Variants in CNTNAP2 observed in about 807,000 individuals in gnomAD.
CNTNAP2 encodes the protein contactin-associated protein-like 2.
In CNTNAP2, 98 loss-of-function variants were observed where a neutral mutation model predicts 155.2. The observed-to-expected ratio is 0.63, with a 90% CI of 0.54 to 0.75. CNTNAP2 has a LOEUF of 0.75. Ranked by LOEUF, CNTNAP2 falls within the 30% of genes least tolerant of loss-of-function variation. CNTNAP2 has a pLI of 0.00. For missense variants in CNTNAP2, 1,727 were observed against 1,688.1 expected (o/e 1.02, Z -0.40); for synonymous variants, 651 against 631.2 (o/e 1.03, Z -0.47).
At chr7:147,772,093 A>G (rs1445961134) in intron 13 of CNTNAP2, among the ~76,000 whole-genome samples, 1 of 152,078 alleles carries the variant, frequency 6.6e-6, no homozygotes, top group Non-Finnish European at 1.5e-5. Flanking sequence ...GAGTAAGATA[A>G]CTAGGTCAAT....
chr7:147,974,499 C>T (rs1352957391), intron 14 of CNTNAP2, among the ~76,000 whole-genome samples: 1 of 152,076 alleles, frequency 6.6e-6, no homozygotes, highest in East Asian at 1.9e-4. Context: ...GTGGTGGGCA[C>T]CTGTAATCCC....
At chr7:147,602,312 T>C (rs1047999648) in intron 12 of CNTNAP2, among the ~76,000 whole-genome samples, 2 of 151,974 alleles carry the variant, frequency 1.3e-5, no homozygotes. Context: ...CCAAAGGCAA[T>C]CAATGAAACC....
intron 21 of CNTNAP2, among the ~76,000 whole-genome samples, chr7:148,269,784 C>G (rs574594722): frequency 6.6e-6 from 1 of 152,286 alleles, no homozygotes; most frequent in East Asian, 1.9e-4. Flanking sequence ...ATTCATGAGT[C>G]ATGGATCTGA....
At chr7:146,848,363 T>G (rs1794803048) in intron 3 of CNTNAP2, among the ~76,000 whole-genome samples, 1 of 152,200 alleles carries the variant, frequency 6.6e-6, no homozygotes, top group African/African-American at 2.4e-5. Context: ...GAGTGAGCTT[T>G]GATAAATAGG....
At chr7:147,762,153 T>TCA (rs545084626) in intron 13 of CNTNAP2, among the ~76,000 whole-genome samples, 1 of 103,858 alleles carries the variant, frequency 9.6e-6, no homozygotes, top group Admixed American at 8.7e-5. Flanking sequence ...TCTCTCTCTG[T>TCA]CTCACACACA....
chr7:147,978,340 T>C (rs2888540), intron 15 of CNTNAP2, among the ~76,000 whole-genome samples: 70,244 of 151,944 alleles, frequency 0.46, 16,900 homozygotes, highest in East Asian at 0.75. Flanking sequence ...AGGATGACTA[T>C]TTATATCACC....
chr7:146,933,069 CA>C, intron 3 of CNTNAP2, among the ~76,000 whole-genome samples: 1 of 152,158 alleles, frequency 6.6e-6, no homozygotes, highest in African/African-American at 2.4e-5. Context: ...ACTTTCTTCA[CA>C]GAATTGGAAA....
intron 19 of CNTNAP2, among the ~76,000 whole-genome samples, chr7:148,222,657 A>G (rs533779152): frequency 6.6e-6 from 1 of 152,306 alleles, no homozygotes; most frequent in African/African-American, 2.4e-5. Context: ...CATATTAGGG[A>G]TTAAGTTTCA....
At chr7:146,694,975 T>TATAATTAGTTAATTGTTCCC (rs1800757976) in intron 1 of CNTNAP2, among the ~76,000 whole-genome samples, 2 of 152,086 alleles carry the variant, frequency 1.3e-5, no homozygotes, top group African/African-American at 4.8e-5. Flanking sequence ...TAATTGTTCC[T>TATAATTAGTTAATTGTTCCC]GGAACTTCTT....
chr7:148,268,288 G>C (rs911529159), intron 21 of CNTNAP2, among the ~76,000 whole-genome samples: 1 of 152,080 alleles, frequency 6.6e-6, no homozygotes, highest in East Asian at 1.9e-4. Context: ...TAGCATTAAT[G>C]GTAAAAATGC....
chr7:146,182,867 A>G (rs755235949), intron 1 of CNTNAP2, among the ~76,000 whole-genome samples: 7 of 152,046 alleles, frequency 4.6e-5, no homozygotes, highest in Non-Finnish European at 8.8e-5. Flanking sequence ...ACTTCCTAAT[A>G]TGCTGTATCT....
intron 9 of CNTNAP2, among the ~76,000 whole-genome samples, chr7:147,388,078 G>C (rs981246722): frequency 6.6e-6 from 1 of 152,112 alleles, no homozygotes; most frequent in African/African-American, 2.4e-5. Context: ...ACTTTATTCA[G>C]TAGGATATGA....
At chr7:148,202,069 G>A (rs920205232) in intron 18 of CNTNAP2, among the ~76,000 whole-genome samples, 30 of 151,982 alleles carry the variant, frequency 2.0e-4, no homozygotes, top group African/African-American at 7.2e-4. Context: ...ATTGGCCTGG[G>A]TGCTGAAAAT....
At chr7:146,140,742 C>T (rs527809251) in intron 1 of CNTNAP2, among the ~76,000 whole-genome samples, 70 of 151,902 alleles carry the variant, frequency 4.6e-4, no homozygotes, top group African/African-American at 1.4e-3. Context: ...AACAACCATG[C>T]GAAGAAAGAA....
At chr7:148,108,378 T>C (rs1328329092) in intron 15 of CNTNAP2, among the ~76,000 whole-genome samples, 1 of 141,724 alleles carries the variant, frequency 7.1e-6, no homozygotes, top group Non-Finnish European at 1.5e-5. Flanking sequence ...AAAAAAAAAA[T>C]CAGTGGAGAT....
chr7:147,591,996 C>T (rs1157785419), intron 12 of CNTNAP2, among the ~76,000 whole-genome samples: 1 of 152,100 alleles, frequency 6.6e-6, no homozygotes, highest in East Asian at 1.9e-4. Flanking sequence ...ATTAGCATAC[C>T]ATCATTTTCA....
At chr7:146,857,638 A>G (rs139383929) in intron 3 of CNTNAP2, among the ~76,000 whole-genome samples, 209 of 152,308 alleles carry the variant, frequency 1.4e-3, no homozygotes, top group African/African-American at 4.6e-3. Context: ...CGACTGAGAA[A>G]CAATGGGAGG....
At chr7:148,328,873 G>A (rs1585276882) in intron 21 of CNTNAP2, among the ~76,000 whole-genome samples, 1 of 150,396 alleles carries the variant, frequency 6.6e-6, no homozygotes, top group East Asian at 2.0e-4. Context: ...CTACTCAGGA[G>A]GTTGAGGCAG....
chr7:146,843,074 G>A (rs1252628138), intron 3 of CNTNAP2, among the ~76,000 whole-genome samples: 6 of 100,792 alleles, frequency 6.0e-5, no homozygotes, highest in South Asian at 4.0e-4. Flanking sequence ...CTGCAGTGGC[G>A]CAATCTCGGC....
Sources: gnomAD v4.1 joint callset for allele counts (sites outside exome capture counted in the v4.1 genomes callset) on GRCh38, gnomAD v4.1.1 for gene constraint, MANE v1.5 for transcripts, NCBI Gene and HGNC (gene_info 2026-07-23, HGNC 2026-07-21) for gene names.